Variants in CNBD1 observed in about 807,000 individuals in gnomAD.
CNBD1 encodes the protein cyclic nucleotide binding domain containing 1.
A neutral mutation model predicts 54.4 loss-of-function variants in CNBD1; 71 were observed. The ratio of observed to expected loss-of-function variants is 1.30; its 90% CI spans 1.08 to 1.59. CNBD1 has a LOEUF of 1.59. CNBD1 is among the 40% of genes most tolerant of loss of function. CNBD1 has a pLI of 0.00. For synonymous variants in CNBD1, 182 were observed against 170.7 expected (o/e 1.07, Z -0.51); for missense variants, 659 against 518.0 (o/e 1.27, Z -2.64).
chr8:86,903,290 A>G (rs907231855), intron 2 of CNBD1, among the ~76,000 whole-genome samples: 2 of 152,190 alleles, frequency 1.3e-5, no homozygotes, highest in African/African-American at 4.8e-5. Flanking sequence ...GGTTATACAC[A>G]TAAAAAATGA....
At chr8:87,184,550 C>T (rs1014666369) in intron 4 of CNBD1, among the ~76,000 whole-genome samples, 4 of 152,274 alleles carry the variant, frequency 2.6e-5, no homozygotes, top group Non-Finnish European at 5.9e-5. Flanking sequence ...GTTTTCCCTG[C>T]CAACTCTAAT....
At chr8:86,979,402 C>CAAAAAA (rs776634552) in intron 4 of CNBD1, among the ~76,000 whole-genome samples, 30 of 10,306 alleles carry the variant, frequency 2.9e-3, no homozygotes, top group East Asian at 9.4e-3. Flanking sequence ...ATCATCTCTA[C>CAAAAAA]AAAAAAAAAA....
At chr8:87,318,205 T>A (rs4960937) in intron 8 of CNBD1, among the ~76,000 whole-genome samples, 2 of 151,762 alleles carry the variant, frequency 1.3e-5, no homozygotes, top group Non-Finnish European at 2.9e-5. Context: ...GTTAATTAAT[T>A]TTTCTCTTTA....
At chr8:87,070,572 GA>G (rs1440782232) in intron 4 of CNBD1, among the ~76,000 whole-genome samples, 1 of 151,988 alleles carries the variant, frequency 6.6e-6, no homozygotes, top group Admixed American at 6.6e-5. Flanking sequence ...GAAATTGTGA[GA>G]AAAAGAGATT....
chr8:87,122,503 T>C lies in CNBD1; in HGVS notation c.432-83490T>C, dbSNP rs77574970. 4.5e-4 allele frequency among the ~76,000 whole-genome samples: 68 copies of C among 151,976 alleles called. 1 individual carries two copies. The South Asian group carries it at 7.9e-3, about 18-fold the overall frequency. ...TTCTGTGGATTGCCTCTTCAGTCTGTTAATTATTTTTATTTTGTGCAGATC... is the reference window on the plus strand; with the variant it reads ...TTCTGTGGATTGCCTCTTCAGTCTGCTAATTATTTTTATTTTGTGCAGATC... On this transcript the variant is annotated intron_variant, in intron 4 of 10. Coordinates refer to ENST00000518476, the MANE Select transcript of CNBD1 (RefSeq NM_173538.3).
chr8:86,887,260 A>C (rs2131786760), intron 1 of CNBD1, among the ~76,000 whole-genome samples: 1 of 152,338 alleles, frequency 6.6e-6, no homozygotes, highest in East Asian at 1.9e-4. Context: ...GCTTGCTTTA[A>C]GAGAAGTGAC....
intron 4 of CNBD1, among the ~76,000 whole-genome samples, chr8:87,061,773 G>A (rs903018073): frequency 5.3e-5 from 8 of 152,196 alleles, no homozygotes; most frequent in African/African-American, 1.2e-4. Context: ...TGTGTAAAGT[G>A]TAGAGGCACG....
In CNBD1 at chr8:86,933,067, C is replaced by A. The variant is rs116600256; in HGVS notation, c.273-6529C>A. Reference sequence around the variant, plus strand: ...GAAAGGTCGGAGTGGAGGGCCATACCCTGAGGGAGGGAAGGGATCTCCAGC... The same window carrying A: ...GAAAGGTCGGAGTGGAGGGCCATACACTGAGGGAGGGAAGGGATCTCCAGC... On this transcript the variant is annotated intron_variant, in intron 3 of 10. Coordinates refer to ENST00000518476, the MANE Select transcript of CNBD1 (RefSeq NM_173538.3). Among the ~76,000 whole-genome samples, 945 of 152,152 alleles carry A rather than the reference C, an allele frequency of 6.2e-3. 20 individuals carry two copies. Among genetic ancestry groups the A allele is most frequent in the African/African-American group, 0.022 (898 of 41,488 alleles).
At chr8:87,142,312 A>T (rs113944465) in intron 4 of CNBD1, among the ~76,000 whole-genome samples, 11 of 152,234 alleles carry the variant, frequency 7.2e-5, no homozygotes, top group African/African-American at 2.6e-4. Flanking sequence ...CTTTGCCACA[A>T]TTTTATGTAT....
intron 4 of CNBD1, among the ~76,000 whole-genome samples, chr8:87,108,889 A>C: frequency 6.9e-6 from 1 of 144,606 alleles, no homozygotes; most frequent in Non-Finnish European, 1.5e-5. Flanking sequence ...ATGGCCAAAC[A>C]ACTCTCATGG....
At chr8:87,308,324 T>A (rs1163823623) in intron 8 of CNBD1, among the ~76,000 whole-genome samples, 1 of 152,116 alleles carries the variant, frequency 6.6e-6, no homozygotes, top group Non-Finnish European at 1.5e-5. Flanking sequence ...ACCAAAAAAA[T>A]CATGTTTCAT....
At chr8:86,967,886 AT>A (rs1808127279) in intron 4 of CNBD1, among the ~76,000 whole-genome samples, 1 of 151,122 alleles carries the variant, frequency 6.6e-6, no homozygotes, top group Non-Finnish European at 1.5e-5. Context: ...AAAGGTAGAT[AT>A]TGAGATACTG....
intron 8 of CNBD1, among the ~76,000 whole-genome samples, chr8:87,351,298 T>C (rs114871049): frequency 0.012 from 1,767 of 152,234 alleles, 37 homozygotes; most frequent in African/African-American, 0.038. Flanking sequence ...TATTTATCAA[T>C]ATTGTGGGTT....
At chr8:87,335,830 C>T (rs1304795880) in intron 8 of CNBD1, among the ~76,000 whole-genome samples, 1 of 152,096 alleles carries the variant, frequency 6.6e-6, no homozygotes, top group African/African-American at 2.4e-5. Context: ...GTGTGTTTTG[C>T]AGAGCCTGGT....
intron 4 of CNBD1, among the ~76,000 whole-genome samples, chr8:87,018,963 A>C (rs898235138): frequency 2.6e-5 from 4 of 152,204 alleles, no homozygotes; most frequent in Middle Eastern, 3.2e-3. Context: ...CAACCATAAA[A>C]ATTTTCTGCT....
At chr8:87,311,217 A>G (rs1809256147) in intron 8 of CNBD1, among the ~76,000 whole-genome samples, 1 of 152,152 alleles carries the variant, frequency 6.6e-6, no homozygotes, top group Non-Finnish European at 1.5e-5. Context: ...AAGGTCTGAT[A>G]TCTAGAATCT....
At chr8:87,118,740 A>G (rs1811830521) in intron 4 of CNBD1, among the ~76,000 whole-genome samples, 1 of 152,188 alleles carries the variant, frequency 6.6e-6, no homozygotes, top group Admixed American at 6.5e-5. Flanking sequence ...AATATTGGAA[A>G]GATCTCTTGT....
chr8:87,265,069 C>G (rs1233023733), intron 6 of CNBD1, among the ~76,000 whole-genome samples: 2 of 152,040 alleles, frequency 1.3e-5, no homozygotes, highest in Admixed American at 6.6e-5. Flanking sequence ...TCATGAAGTC[C>G]TTGCCCATGC....
At chr8:86,887,435 C>T (rs2131786994) in intron 1 of CNBD1, 107 bp from the exon 2 acceptor site, 1 of 685,674 alleles carries the variant, frequency 1.5e-6, no homozygotes, top group Non-Finnish European at 2.5e-6. Context: ...CTTCCATAGT[C>T]ACTGAATTCT....
Sources: allele counts gnomAD v4.1 joint callset (sites outside exome capture counted in the v4.1 genomes callset), GRCh38; gene constraint gnomAD v4.1.1; transcripts MANE v1.5; gene names NCBI Gene and HGNC (gene_info 2026-07-23, HGNC 2026-07-21).